Variants in RTL4 observed in about 807,000 individuals in gnomAD.
The protein encoded by RTL4 is retrotransposon Gag-like protein 4.
RTL4 carries 4 observed loss-of-function variants against 5.3 expected under a neutral mutation model. The ratio of observed to expected loss-of-function variants is 0.75; its 90% CI spans 0.37 to 1.72. RTL4 has a LOEUF of 1.72. Among genes scored for constraint, RTL4 ranks in the 40% most tolerant of loss-of-function variants. The pLI, the probability that RTL4 is intolerant of heterozygous loss-of-function variation, is 0.04. For synonymous variants in RTL4, 98 were observed against 87.3 expected, an observed-to-expected ratio of 1.12 and a Z score of -0.68; for missense variants, 260 against 227.1, an observed-to-expected ratio of 1.14 and a Z score of -0.93.
chrX:112,335,853 AT>A, the RTL4 span, among the ~76,000 whole-genome samples: 1 of 108,656 alleles, frequency 9.2e-6, no homozygotes, highest in African/African-American at 3.3e-5. Context: ...TATTTATTTT[AT>A]TTTTTTGAGT....
At chrX:112,403,708 C>T in the RTL4 span, among the ~76,000 whole-genome samples, 1 of 112,174 alleles carries the variant, frequency 8.9e-6, no homozygotes, top group Non-Finnish European at 1.9e-5. Context: ...CTTCTTTTCT[C>T]ACCTGCTAGA....
At chrX:112,189,084 G>A in the RTL4 span, among the ~76,000 whole-genome samples, 3 of 110,896 alleles carry the variant, frequency 2.7e-5, no homozygotes, top group African/African-American at 6.6e-5. Flanking sequence ...AATCCCAAGC[G>A]CCATAATCCT....
the RTL4 span, among the ~76,000 whole-genome samples, chrX:112,282,650 T>C: frequency 8.9e-6 from 1 of 112,180 alleles, no homozygotes; most frequent in East Asian, 2.8e-4. Context: ...CATTTATTTG[T>C]GTCTTCTTCA....
At chrX:112,175,214 T>C in the RTL4 span, among the ~76,000 whole-genome samples, 1 of 101,337 alleles carries the variant, frequency 9.9e-6, no homozygotes. Flanking sequence ...TGGTTTTAGG[T>C]CTAACGTTTA....
chrX:112,209,706 G>A, the RTL4 span, among the ~76,000 whole-genome samples: 8 of 111,345 alleles, frequency 7.2e-5, no homozygotes, highest in East Asian at 2.3e-3. Context: ...TCCATTTGAC[G>A]ATGGAATGCT....
chrX:112,149,379 A>C, the RTL4 span, among the ~76,000 whole-genome samples: 3 of 111,982 alleles, frequency 2.7e-5, no homozygotes, highest in South Asian at 7.4e-4. Flanking sequence ...GAAGTATTAC[A>C]TCAGAAGTAT....
At chrX:112,321,581 GAC>G in the RTL4 span, among the ~76,000 whole-genome samples, 672 of 101,293 alleles carry the variant, frequency 6.6e-3, 2 homozygotes, top group African/African-American at 0.023. Flanking sequence ...AAAGAAGAAA[GAC>G]AGACAGACAG....
chrX:112,338,478 A>G, the RTL4 span, among the ~76,000 whole-genome samples: 1 of 112,369 alleles, frequency 8.9e-6, no homozygotes, highest in African/African-American at 3.2e-5. Flanking sequence ...AAAAAAATCA[A>G]TTTGAGGTTG....
At chrX:112,101,077 C>T in the RTL4 span, among the ~76,000 whole-genome samples, 1 of 111,787 alleles carries the variant, frequency 8.9e-6, no homozygotes, top group Non-Finnish European at 1.9e-5. Context: ...ACATGGAACA[C>T]ATATTTTTAC....
chrX:112,124,469 C>T, the RTL4 span, among the ~76,000 whole-genome samples: 5 of 112,066 alleles, frequency 4.5e-5, no homozygotes, highest in Non-Finnish European at 7.5e-5. Context: ...GGTACATATA[C>T]ACCATGGAAT....
the RTL4 span, among the ~76,000 whole-genome samples, chrX:112,124,672 GT>G: frequency 6.8e-4 from 68 of 99,636 alleles, no homozygotes; most frequent in African/African-American, 2.8e-3. Flanking sequence ...CGGGCCGGTT[GT>G]TGGGGGGGAG....
At chrX:112,163,686 A>G in the RTL4 span, among the ~76,000 whole-genome samples, 1 of 112,478 alleles carries the variant, frequency 8.9e-6, no homozygotes, top group Admixed American at 9.4e-5. Context: ...GCAGAGACAC[A>G]TAACCTCTCT....
the RTL4 span, among the ~76,000 whole-genome samples, chrX:112,332,014 G>C: frequency 2.8e-5 from 3 of 106,987 alleles, no homozygotes; most frequent in Non-Finnish European, 5.8e-5. Flanking sequence ...GTTGTGGGGT[G>C]GGGGGAAGGG....
At chrX:112,393,729 C>G in the RTL4 span, among the ~76,000 whole-genome samples, 1 of 111,960 alleles carries the variant, frequency 8.9e-6, no homozygotes, top group Non-Finnish European at 1.9e-5. Flanking sequence ...TGTGGGAGCT[C>G]CGTCTCAGGG....
the RTL4 span, among the ~76,000 whole-genome samples, chrX:112,394,464 A>G: frequency 2.7e-5 from 3 of 111,256 alleles, no homozygotes; most frequent in African/African-American, 9.8e-5. Context: ...TTATACTGGT[A>G]TGATTTGTAA....
the RTL4 span, among the ~76,000 whole-genome samples, chrX:112,207,639 G>GTT: frequency 2.2e-5 from 2 of 91,193 alleles, no homozygotes; most frequent in East Asian, 3.6e-4. Flanking sequence ...TAGTGGCATT[G>GTT]TTTTTTTTTT....
chrX:112,339,982 T>C, the RTL4 span, among the ~76,000 whole-genome samples: 1 of 112,962 alleles, frequency 8.9e-6, no homozygotes, highest in East Asian at 2.8e-4. Context: ...GCAAGATGGA[T>C]CTGGCCTGTG....
At chrX:112,210,470 T>G in the RTL4 span, among the ~76,000 whole-genome samples, 27 of 112,472 alleles carry the variant, frequency 2.4e-4, no homozygotes, top group African/African-American at 8.7e-4. Context: ...CTGTATGACT[T>G]TAGCCATAAG....
chrX:112,099,958 A>G, the RTL4 span, among the ~76,000 whole-genome samples: 2 of 111,973 alleles, frequency 1.8e-5, no homozygotes, highest in Non-Finnish European at 3.8e-5. Flanking sequence ...GAAGGATGAC[A>G]TCAAGCATGG....
Sources: allele counts gnomAD v4.1 joint callset (sites outside exome capture counted in the v4.1 genomes callset), GRCh38; gene constraint gnomAD v4.1.1; transcripts MANE v1.5; gene names NCBI Gene and HGNC (gene_info 2026-07-23, HGNC 2026-07-21).